LMX1A: variants seen among roughly 807,000 people sequenced by gnomAD.
LMX1A encodes LIM homeobox transcription factor 1-alpha.
LMX1A carries 15 observed loss-of-function variants against 49.1 expected under a neutral mutation model. The ratio of observed to expected loss-of-function variants is 0.31; its 90% confidence interval spans 0.20 to 0.47. The LOEUF (loss-of-function observed/expected upper bound fraction) is 0.47. Among genes scored for constraint, LMX1A ranks in the 20% least tolerant of loss-of-function variants. LMX1A has a pLI of 1.00. For synonymous variants in LMX1A, 167 were observed against 185.7 expected (o/e 0.90, Z 0.82); for missense variants, 372 against 475.8 (o/e 0.78, Z 2.03).
chr1:165,346,791 T>C (rs572718142), intron 3 of LMX1A, among the ~76,000 whole-genome samples: 1 of 152,340 alleles, frequency 6.6e-6, no homozygotes, highest in Admixed American at 6.5e-5. Context: ...AAAACAAACA[T>C]GTAGCAAGAT....
intron 5 of LMX1A, among the ~76,000 whole-genome samples, chr1:165,211,908 C>T (rs771598735): frequency 1.1e-4 from 16 of 152,106 alleles, no homozygotes; most frequent in African/African-American, 1.4e-4. Context: ...AATGTGTACA[C>T]GCATCTCCTT....
intron 3 of LMX1A, among the ~76,000 whole-genome samples, chr1:165,261,066 C>G (rs1455471301): frequency 6.6e-6 from 1 of 152,130 alleles, no homozygotes; most frequent in Non-Finnish European, 1.5e-5. Flanking sequence ...ACTCCAAAAT[C>G]CAGCAGTAAT....
intron 4 of LMX1A, among the ~76,000 whole-genome samples, chr1:165,223,537 T>C (rs1209457222): frequency 6.6e-6 from 1 of 152,168 alleles, no homozygotes; most frequent in Non-Finnish European, 1.5e-5. Flanking sequence ...AGCAATGGGA[T>C]AAAGAATGAC....
intron 3 of LMX1A, among the ~76,000 whole-genome samples, chr1:165,251,234 C>T (rs1653051246): frequency 6.6e-6 from 1 of 152,138 alleles, no homozygotes; most frequent in Non-Finnish European, 1.5e-5. Flanking sequence ...AGGTGCATGT[C>T]ACCATGCCCA....
chr1:165,300,463 C>T (rs1055865147), intron 3 of LMX1A, among the ~76,000 whole-genome samples: 2 of 152,172 alleles, frequency 1.3e-5, no homozygotes, highest in African/African-American at 4.8e-5. Context: ...GCTTTTCTTT[C>T]TCCCAAGCCT....
In LMX1A at chr1:165,303,061, T is replaced by G. The variant is rs188989911; in HGVS notation, c.263+50015A>C. Among the ~76,000 whole-genome samples, 241 of 152,378 alleles carry G rather than the reference T, an allele frequency of 1.6e-3. 1 individual carries two copies. The highest frequency in any genetic ancestry group is 2.5e-3 in the Non-Finnish European group (172 of 68,044). On this transcript the variant is annotated intron_variant, in intron 3 of 8. Transcript: ENST00000342310. Reference sequence around the variant, plus strand: ...TCTTCATTATAAATTGCTTCAAATCTTCTTTGGAAGGATAGAGTATAAATA... The same window carrying G: ...TCTTCATTATAAATTGCTTCAAATCGTCTTTGGAAGGATAGAGTATAAATA...
At chr1:165,297,578 C>T (rs993636354) in intron 3 of LMX1A, among the ~76,000 whole-genome samples, 4 of 152,158 alleles carry the variant, frequency 2.6e-5, no homozygotes, top group African/African-American at 7.2e-5. Flanking sequence ...CTCCACACTC[C>T]GGATGGAGAC....
intron 5 of LMX1A, among the ~76,000 whole-genome samples, chr1:165,211,710 A>C (rs986672661): frequency 3.3e-5 from 5 of 152,172 alleles, no homozygotes; most frequent in Non-Finnish European, 1.5e-5. Flanking sequence ...GCCAACTAAA[A>C]TAGGAGTGTA....
chr1:165,205,873 G>A lies in LMX1A; in HGVS notation c.979C>T (p.His327Tyr), dbSNP rs1294468675. 1.9e-6 allele frequency: 3 copies of A among 1,613,872 alleles called. No homozygotes were observed. The highest frequency in any genetic ancestry group is 3.3e-5 in the Admixed American group (2 of 60,006). Reference sequence around the variant, plus strand: ...CTTAAGTCCCTCTTACCATAAGGGTGCATGTGGTCTCCAGGCATCTGGGGT... The same window carrying A: ...CTTAAGTCCCTCTTACCATAAGGGTACATGTGGTCTCCAGGCATCTGGGGT... ...TPPQMPGDHM[H>Y]PYGAEPLFHD... Residue 327 changes from histidine to tyrosine, a missense_variant, in exon 8 of 9, where the codon CAC becomes TAC. Transcript: ENST00000342310.
chr1:165,206,874 T>C (rs1651105209), intron 7 of LMX1A, among the ~76,000 whole-genome samples: 1 of 152,216 alleles, frequency 6.6e-6, no homozygotes, highest in Non-Finnish European at 1.5e-5. Flanking sequence ...GTTAACATAC[T>C]GTTTAGTCTA....
intron 4 of LMX1A, chr1:165,216,274 G>C (rs1450287633): frequency 6.6e-6 from 1 of 152,170 alleles, no homozygotes; most frequent in Non-Finnish European, 1.5e-5. Flanking sequence ...CCCACAGGAG[G>C]ATAAAAGGTA....
At chr1:165,284,789 T>C (rs1393664123) in intron 3 of LMX1A, among the ~76,000 whole-genome samples, 2 of 152,138 alleles carry the variant, frequency 1.3e-5, no homozygotes, top group Admixed American at 6.5e-5. Flanking sequence ...AGCACCCTCA[T>C]GGGAAGAAAA....
intron 4 of LMX1A, among the ~76,000 whole-genome samples, chr1:165,247,469 A>G (rs1000157363): frequency 2.0e-5 from 3 of 152,176 alleles, no homozygotes; most frequent in Admixed American, 1.3e-4. Flanking sequence ...CTACCCCTGA[A>G]GAAGATACTC....
intron 3 of LMX1A, among the ~76,000 whole-genome samples, chr1:165,314,623 C>G (rs969669230): frequency 6.6e-6 from 1 of 151,852 alleles, no homozygotes; most frequent in Non-Finnish European, 1.5e-5. Context: ...TTTTTTATTA[C>G]CTCTCATTCT....
chr1:165,272,986 A>G (rs181036190), intron 3 of LMX1A, among the ~76,000 whole-genome samples: 2 of 152,316 alleles, frequency 1.3e-5, no homozygotes, highest in African/African-American at 2.4e-5. Context: ...GAGGCTGTGC[A>G]TTGCCTCCAC....
chr1:165,220,569 G>A (rs757608974), intron 4 of LMX1A, among the ~76,000 whole-genome samples: 2 of 152,166 alleles, frequency 1.3e-5, no homozygotes, highest in Non-Finnish European at 2.9e-5. Context: ...AAAGACACAG[G>A]GCATAGGTGG....
intron 3 of LMX1A, among the ~76,000 whole-genome samples, chr1:165,315,188 T>C (rs566812839): frequency 2.0e-5 from 3 of 152,342 alleles, no homozygotes; most frequent in East Asian, 1.9e-4. Flanking sequence ...AGTGAAAGTC[T>C]TTCTAGTAAG....
chr1:165,288,459 G>A (rs959582994), intron 3 of LMX1A, among the ~76,000 whole-genome samples: 1 of 152,154 alleles, frequency 6.6e-6, no homozygotes, highest in African/African-American at 2.4e-5. Context: ...ACAGCAGGCA[G>A]CTGTCTCCTC....
At chr1:165,241,183 C>T (rs1341887422) in intron 4 of LMX1A, among the ~76,000 whole-genome samples, 2 of 152,124 alleles carry the variant, frequency 1.3e-5, no homozygotes, top group Non-Finnish European at 2.9e-5. Context: ...CTTTATGCAC[C>T]CTAGCCACCC....
Sources: allele counts gnomAD v4.1 joint callset (sites outside exome capture counted in the v4.1 genomes callset), GRCh38; gene constraint gnomAD v4.1.1; transcripts MANE v1.5; gene names NCBI Gene and HGNC (gene_info 2026-07-23, HGNC 2026-07-21).